Variants in NUP205 observed in about 807,000 individuals in gnomAD.
NUP205 encodes nuclear pore complex protein Nup205.
In NUP205, 76 loss-of-function variants were observed where a neutral mutation model predicts 253.8. The observed-to-expected ratio is 0.30, with a 90% CI of 0.25 to 0.36. The LOEUF (loss-of-function observed/expected upper bound fraction) is 0.36. NUP205 is among the 10% of genes least tolerant of loss of function. NUP205 has a pLI of 1.00. For synonymous variants in NUP205, 832 were observed against 850.1 expected, an observed-to-expected ratio of 0.98 and a Z score of 0.37; for missense variants, 2,162 against 2,425.5, an observed-to-expected ratio of 0.89 and a Z score of 2.28.
At chr7:135,611,169 C>G (rs1794222388) in intron 22 of NUP205, among the ~76,000 whole-genome samples, 1 of 152,068 alleles carries the variant, frequency 6.6e-6, no homozygotes, top group East Asian at 1.9e-4. Context: ...GCCACCACGC[C>G]TGGATAATTT....
chr7:135,586,636 A>G (rs183357196), intron 8 of NUP205, among the ~76,000 whole-genome samples: 125 of 152,042 alleles, frequency 8.2e-4, no homozygotes, highest in Middle Eastern at 6.8e-3. Flanking sequence ...TTTTTTGTTC[A>G]GTTTAATATG....
In NUP205 at chr7:135,601,405, A is replaced by C. The variant is rs1793962265; in HGVS notation, c.2410A>C (p.Ser804Arg). The change falls in exon 17 of 43, where the codon AGT (serine) becomes CGT (arginine). Residue 804 changes from serine to arginine, a missense_variant. Ser to Arg is a moderately radical substitution (Grantham distance 110, BLOSUM62 -1). Around this residue, in one of 5 missense-constraint regions of NUP205, gnomAD observed 892 missense variants for 957.1 expected, o/e 0.93. Coordinates refer to ENST00000285968, the MANE Select transcript of NUP205 (RefSeq NM_015135.3). ...CATAGCCTATAAGCCACCTGGATTT[A>C]GTCTGATGTATCATCTGCTGAATGA... ...EIIAYKPPGFSLMYHLLNESP... is the reference protein window; with the variant it reads ...EIIAYKPPGFRLMYHLLNESP... 3 of 1,613,600 alleles carry C rather than the reference A, an allele frequency of 1.9e-6. No individual in the cohort carries two copies. The highest frequency in any genetic ancestry group is 2.5e-6 in the Non-Finnish European group (3 of 1,179,712).
chr7:135,622,671 G>GTTTTTTTTTTT, intron 30 of NUP205, 106 bp from the exon 31 acceptor site: 1 of 853,612 alleles, frequency 1.2e-6, no homozygotes. Context: ...TTTTTGTTGC[G>GTTTTTTTTTTT]TTTTTTTTTT....
intron 15 of NUP205, chr7:135,598,750 C>T (rs567845069): frequency 1.3e-5 from 2 of 152,966 alleles, no homozygotes; most frequent in South Asian, 4.1e-4. Context: ...TTATATAATT[C>T]CAATATTACC....
intron 21 of NUP205, 87 bp from the exon 22 acceptor site, chr7:135,607,159 TA>T: frequency 3.3e-6 from 5 of 1,496,704 alleles, no homozygotes; most frequent in Non-Finnish European, 4.5e-6. Context: ...AGCATATATT[TA>T]AAGAATTTAA....
At chr7:135,587,787 C>G (rs1240855642) in intron 9 of NUP205, 68 bp from the exon 10 acceptor site, 1 of 1,524,052 alleles carries the variant, frequency 6.6e-7, no homozygotes, top group Non-Finnish European at 8.9e-7. Context: ...TTTAAATGTC[C>G]TTTTTTTTAT....
At position 135,641,356 on chromosome 7, in the gene NUP205, G is replaced by A. The variant is rs76389145; in HGVS notation, c.5393-1836G>A. 5.6e-3 allele frequency among the ~76,000 whole-genome samples: 852 copies of A among 152,304 alleles called. 14 individuals are homozygous for A. The highest frequency in any genetic ancestry group is 0.051 in the East Asian group (266 of 5,184). On this transcript the variant is annotated intron_variant, in intron 38 of 42. Transcript: ENST00000285968. ...TCTATAACAATGTATTGTGAAAACT[G>A]TCACATCTTGCTGTAGACTAGAAGA...
rs376210354 is a variant in NUP205 at position 135,577,096 on chromosome 7, A to C, written c.616A>C (p.Arg206=). The C allele has an allele frequency of 2.1e-5, 34 of 1,613,822 alleles. No individual in the cohort carries two copies. Among genetic ancestry groups the C allele is most frequent in the Non-Finnish European group, 2.7e-5 (32 of 1,179,942 alleles). ...NNEFEKLQRE[R]GLGSEKHRKE... is the part of the protein sequence containing the mutation. ...TGAGTTTGAGAAACTACAGCGAGAG[A>C]GAGGTTTGGGCAGTGAAAAACATCG... is the stretch of plus-strand genomic sequence containing the variant. The change falls in exon 5 of 43, where the codon AGA becomes CGA. Residue 206 remains arginine (R), a synonymous_variant. Coordinates refer to ENST00000285968, the MANE Select transcript of NUP205 (RefSeq NM_015135.3).
intron 3 of NUP205, among the ~76,000 whole-genome samples, chr7:135,575,272 T>C (rs976334142): frequency 3.3e-5 from 5 of 152,150 alleles, no homozygotes; most frequent in Admixed American, 2.6e-4. Context: ...AACAACATCA[T>C]GAAGTTTAAG....
At chr7:135,606,478 A>G (rs1240691911) in intron 20 of NUP205, among the ~76,000 whole-genome samples, 1 of 152,214 alleles carries the variant, frequency 6.6e-6, no homozygotes, top group Admixed American at 6.5e-5. Context: ...TGGATTATAC[A>G]TCAACCTGTA....
Position 135,604,272 on chromosome 7 carries a change from C to T in NUP205, c.2703-68C>T, listed in dbSNP as rs375980714. ...AGGGGAAGCCCTGGTTCTAAATTTT[C>T]TTTATTGAGAATAGTGAGACACCAA... On this transcript the variant is annotated intron_variant, in intron 18 of 42. Transcript: ENST00000285968. 58 of 1,419,404 alleles carry T rather than the reference C, an allele frequency of 4.1e-5. No homozygotes were observed. The East Asian group carries it at 6.1e-4, about 15-fold the overall frequency. The allele number at this position is 1,419,404 out of a possible 1,614,324, so 87.9% of individuals were successfully genotyped here.
At chr7:135,610,443 C>T (rs905068170) in intron 22 of NUP205, among the ~76,000 whole-genome samples, 3 of 152,208 alleles carry the variant, frequency 2.0e-5, no homozygotes, top group African/African-American at 7.2e-5. Context: ...TGGTCTCAAA[C>T]TCCTGACCTT....
At chr7:135,563,443 C>G (rs1185541043) in intron 1 of NUP205, among the ~76,000 whole-genome samples, 1 of 152,028 alleles carries the variant, frequency 6.6e-6, no homozygotes, top group Non-Finnish European at 1.5e-5. Flanking sequence ...CCGCCTTGGC[C>G]TCTCAAAGTG....
At position 135,646,193 on chromosome 7, in the gene NUP205, A is replaced by G. The variant is rs762882827; in HGVS notation, c.5848A>G (p.Ser1950Gly). The G allele has an allele frequency of 1.9e-6, 3 of 1,613,728 alleles. No homozygotes were observed. Among genetic ancestry groups the G allele is most frequent in the South Asian group, 1.1e-5 (1 of 91,072 alleles). ...FASETNLDFR[S>G]GLAIVSQHDL... The stretch of plus-strand genomic sequence containing the variant: ...CTCAGAAACCAATCTAGATTTTAGA[A>G]GTGGGCTGGCTATAGTGAGCCAACA... The change falls in exon 42 of 43, where the codon AGT becomes GGT. Residue 1950 changes from serine (S) to glycine (G), a missense_variant. Physicochemically the swap from Ser to Gly is moderately conservative, Grantham distance 56. Coordinates refer to ENST00000285968, the MANE Select transcript of NUP205 (RefSeq NM_015135.3).
rs967711841 is a variant in NUP205, at chr7:135,570,046, T to G, written c.29-1059T>G. On this transcript the variant is annotated intron_variant, in intron 1 of 42. Coordinates refer to ENST00000285968, the MANE Select transcript of NUP205 (RefSeq NM_015135.3). ...TTTATGTTTTATATATATATATATA[T>G]ATATATAGAGAGAGAGAGAGAGAGA... Among the ~76,000 whole-genome samples the G allele has an allele frequency of 7.6e-3, 779 of 102,258 alleles. 3 individuals carry two copies. Among genetic ancestry groups the G allele is most frequent in the African/African-American group, 0.021 (639 of 29,900 alleles). 67.1% of individuals were successfully genotyped at this position (102,258 alleles called of 152,430 possible). A position where few individuals can be genotyped will look rare whatever the true frequency, so the allele number is the denominator to read the frequency against.
In NUP205 at chr7:135,642,741, C is replaced by T. The variant is rs80017920; in HGVS notation, c.5393-451C>T. Among the ~76,000 whole-genome samples the T allele has an allele frequency of 5.6e-3, 851 of 152,134 alleles. 14 individuals carry two copies. The highest frequency in any genetic ancestry group is 0.051 in the East Asian group (267 of 5,188). On this transcript the variant is annotated intron_variant, in intron 38 of 42. Coordinates refer to ENST00000285968, the MANE Select transcript of NUP205 (RefSeq NM_015135.3). Reference sequence around the variant, plus strand: ...AATTTAGTAACCAGAAAGATGCAGACCAGAAATGAATCCATACAACTAGAG... The same window carrying T: ...AATTTAGTAACCAGAAAGATGCAGATCAGAAATGAATCCATACAACTAGAG...
intron 34 of NUP205, 42 bp downstream of exon 34, chr7:135,628,153 C>T: frequency 6.4e-7 from 1 of 1,571,074 alleles, no homozygotes; most frequent in Non-Finnish European, 8.7e-7. Flanking sequence ...AGAGCAAAAT[C>T]CTCATTTTAC....
At chr7:135,590,526 A>C (rs1014745643) in intron 10 of NUP205, among the ~76,000 whole-genome samples, 1 of 151,534 alleles carries the variant, frequency 6.6e-6, no homozygotes, top group Non-Finnish European at 1.5e-5. Flanking sequence ...TTATTTTGCT[A>C]CATCATCATA....
chr7:135,626,828 A>G (rs1266505898), intron 33 of NUP205, among the ~76,000 whole-genome samples: 1 of 152,088 alleles, frequency 6.6e-6, no homozygotes, highest in Non-Finnish European at 1.5e-5. Flanking sequence ...TTCGATTTGA[A>G]TGTGGAAAAT....
Sources: allele counts gnomAD v4.1 joint callset (sites outside exome capture counted in the v4.1 genomes callset), GRCh38; gene constraint gnomAD v4.1.1; regional missense constraint gnomAD v4.1.1; transcripts MANE v1.5; gene names NCBI Gene and HGNC (gene_info 2026-07-23, HGNC 2026-07-21).